Variants in PSD3 observed in about 807,000 individuals in gnomAD.
PSD3 encodes PH and SEC7 domain-containing protein 3.
A neutral mutation model predicts 105.5 loss-of-function variants in PSD3; 49 were observed. That is an observed-to-expected ratio of 0.46 (90% confidence interval 0.37 to 0.59). PSD3 has a LOEUF of 0.59. PSD3 is among the 20% of genes least tolerant of loss of function. PSD3 has a pLI of 0.00. For synonymous variants in PSD3, 557 were observed against 457.8 expected, an observed-to-expected ratio of 1.22 and a Z score of -2.77; for missense variants, 1,561 against 1,263.8, an observed-to-expected ratio of 1.24 and a Z score of -3.57.
intron 9 of PSD3, among the ~76,000 whole-genome samples, chr8:18,698,133 C>T (rs1196989536): frequency 2.6e-5 from 4 of 152,156 alleles, no homozygotes; most frequent in Non-Finnish European, 5.9e-5. Context: ...GGGTCTCACT[C>T]TGTAGCCCAG....
intron 9 of PSD3, among the ~76,000 whole-genome samples, chr8:18,716,910 C>G (rs62495833): frequency 0.02 from 2,987 of 152,294 alleles, 49 homozygotes; most frequent in African/African-American, 0.046. Flanking sequence ...TCTCTACCTT[C>G]TCTAAGACCA....
At chr8:18,624,321 T>C (rs935418780) in intron 11 of PSD3, among the ~76,000 whole-genome samples, 1 of 152,142 alleles carries the variant, frequency 6.6e-6, no homozygotes, top group Non-Finnish European at 1.5e-5. Flanking sequence ...TTTCACTATA[T>C]GTTTAATGAA....
intron 1 of PSD3, among the ~76,000 whole-genome samples, chr8:19,035,534 G>T (rs898792352): frequency 1.6e-4 from 25 of 151,694 alleles, no homozygotes; most frequent in Non-Finnish European, 4.4e-5. Flanking sequence ...CAACAAAATT[G>T]TCTAGTCTCC....
intron 9 of PSD3, among the ~76,000 whole-genome samples, chr8:18,697,989 A>T (rs7463515): frequency 0.99 from 151,175 of 152,342 alleles, 75,019 homozygotes; most frequent in Middle Eastern, 1. Context: ...GATTTTTATG[A>T]TACTCTGTGA....
At chr8:18,807,089 G>A (rs538973388) in intron 4 of PSD3, among the ~76,000 whole-genome samples, 5 of 152,306 alleles carry the variant, frequency 3.3e-5, no homozygotes, top group African/African-American at 1.2e-4. Flanking sequence ...AAAATAGGTT[G>A]TAAACTTACA....
chr8:18,556,429 T>C (rs887051494), intron 14 of PSD3, 77 bp from the exon 15 acceptor site: 4 of 1,452,584 alleles, frequency 2.8e-6, no homozygotes, highest in Non-Finnish European at 2.8e-6. Flanking sequence ...CTTTAAAAAA[T>C]CCCCTGTGCT....
intron 8 of PSD3, chr8:18,774,746 G>A: frequency 2.7e-6 from 1 of 372,884 alleles, no homozygotes; most frequent in South Asian, 2.0e-5. Flanking sequence ...TAATGACGGT[G>A]AGAACACAGG....
chr8:18,921,606 G>T (rs1187075286), intron 2 of PSD3, among the ~76,000 whole-genome samples: 1 of 152,192 alleles, frequency 6.6e-6, no homozygotes, highest in African/African-American at 2.4e-5. Context: ...CAAAAAAATG[G>T]CAGGTTTCTG....
At chr8:18,711,600 C>G (rs530001700) in intron 9 of PSD3, among the ~76,000 whole-genome samples, 5 of 152,160 alleles carry the variant, frequency 3.3e-5, no homozygotes, top group Non-Finnish European at 7.3e-5. Context: ...ACATATGCAC[C>G]TAATACAGGA....
intron 9 of PSD3, among the ~76,000 whole-genome samples, chr8:18,754,510 C>T (rs10107587): frequency 0.018 from 2,758 of 152,178 alleles, 99 homozygotes; most frequent in African/African-American, 0.063. Flanking sequence ...ACAGCTGGCT[C>T]GGTGATAGTC....
chr8:18,653,264 G>C (rs1808649158), intron 10 of PSD3, among the ~76,000 whole-genome samples: 1 of 151,598 alleles, frequency 6.6e-6, no homozygotes, highest in Admixed American at 6.6e-5. Context: ...GGTGAAGATA[G>C]AAATTATACG....
At chr8:19,013,520 C>T in intron 1 of PSD3, 43 bp downstream of exon 1, 1 of 1,578,576 alleles carries the variant, frequency 6.3e-7, no homozygotes, top group Non-Finnish European at 8.5e-7. Flanking sequence ...AACAGCGGCG[C>T]CGCGTGCGCA....
chr8:18,950,603 C>T (rs1040379417), intron 1 of PSD3, among the ~76,000 whole-genome samples: 1 of 152,142 alleles, frequency 6.6e-6, no homozygotes, highest in Non-Finnish European at 1.5e-5. Flanking sequence ...TGTTTTAGAG[C>T]CCACATACAA....
intron 4 of PSD3, among the ~76,000 whole-genome samples, chr8:18,860,885 C>A (rs1369822559): frequency 1.3e-5 from 2 of 152,140 alleles, no homozygotes; most frequent in African/African-American, 4.8e-5. Flanking sequence ...ATCACTTATA[C>A]CTCCAATGTC....
Position 18,649,347 on chromosome 8 carries a change from T to C in PSD3, c.2216+6295A>G, listed in dbSNP as rs76022039. 6.9e-3 allele frequency among the ~76,000 whole-genome samples: 1,049 copies of C among 152,308 alleles called. 15 individuals are homozygous for C. Among genetic ancestry groups the C allele is most frequent in the African/African-American group, 0.024 (1,008 of 41,566 alleles). ...AAATGGAGTCAAAGCAGGTTATTATTGGAGCTTTAAGATTTAATGACTGTC... is the reference window on the plus strand; with the variant it reads ...AAATGGAGTCAAAGCAGGTTATTATCGGAGCTTTAAGATTTAATGACTGTC... On this transcript the variant is annotated intron_variant, in intron 10 of 15. Transcript: ENST00000327040.
intron 1 of PSD3, among the ~76,000 whole-genome samples, chr8:19,051,895 G>C (rs1506894): frequency 0.064 from 9,725 of 152,234 alleles, 385 homozygotes; most frequent in Non-Finnish European, 0.085. Context: ...GAAATTCAGA[G>C]CACAGGTAGA....
At chr8:18,975,363 C>G (rs140754907) in intron 1 of PSD3, among the ~76,000 whole-genome samples, 2,150 of 147,524 alleles carry the variant, frequency 0.015, 69 homozygotes, top group African/African-American at 0.051. Context: ...CTTCAGCCAG[C>G]TAACTTACTA....
At chr8:19,083,659 C>A (rs1829713755) in intron 1 of PSD3, among the ~76,000 whole-genome samples, 1 of 150,166 alleles carries the variant, frequency 6.7e-6, no homozygotes, top group Non-Finnish European at 1.5e-5. Context: ...TTCTGGAAAC[C>A]TCCACAGCTC....
At chr8:18,575,397 GA>G (rs1019110217) in intron 12 of PSD3, 112 bp from the exon 13 acceptor site, 6 of 989,886 alleles carry the variant, frequency 6.1e-6, no homozygotes, top group Admixed American at 3.4e-5. Flanking sequence ...GTAAGTGAAT[GA>G]AAAAAATGAA....
Sources: allele counts gnomAD v4.1 joint callset (sites outside exome capture counted in the v4.1 genomes callset), GRCh38; gene constraint gnomAD v4.1.1; transcripts MANE v1.5; gene names NCBI Gene and HGNC (gene_info 2026-07-23, HGNC 2026-07-21).